Variants in NDUFA8 observed in about 807,000 individuals in gnomAD.
NDUFA8 encodes NADH dehydrogenase [ubiquinone] 1 alpha subcomplex subunit 8.
NDUFA8 carries 16 observed loss-of-function variants against 20.9 expected under a neutral mutation model. The ratio of observed to expected loss-of-function variants is 0.77; its 90% confidence interval spans 0.52 to 1.16. The LOEUF is 1.16. Ranked by LOEUF, NDUFA8 falls within the 50% of genes most tolerant of loss-of-function variation. The pLI is 0.00. For missense variants in NDUFA8, 202 were observed against 216.4 expected (o/e 0.93, Z 0.42); for synonymous variants, 70 against 76.1 (o/e 0.92, Z 0.41).
chr9:122,150,882 G>A (rs1188895713), intron 2 of NDUFA8, among the ~76,000 whole-genome samples: 4 of 145,532 alleles, frequency 2.7e-5, no homozygotes, highest in Non-Finnish European at 6.0e-5. Context: ...TGAGACATGT[G>A]ACTCGCTTGA....
intron 1 of NDUFA8, among the ~76,000 whole-genome samples, chr9:122,156,367 CGTCT>C (rs948382383): frequency 6.6e-5 from 10 of 152,174 alleles, no homozygotes; most frequent in African/African-American, 2.4e-4. Flanking sequence ...CCTTAAACTA[CGTCT>C]GTACCTCTTT....
intron 3 of NDUFA8, among the ~76,000 whole-genome samples, chr9:122,147,836 G>C (rs1971583): frequency 1.8e-4 from 27 of 151,960 alleles, no homozygotes; most frequent in South Asian, 6.2e-4. Flanking sequence ...CCATGTTAGC[G>C]AGGATGGTCT....
At chr9:122,142,600 A>C (rs958420393), downstream of NDUFA8, among the ~76,000 whole-genome samples, 11 of 152,178 alleles carry the variant, frequency 7.2e-5, no homozygotes, top group African/African-American at 2.7e-4. Flanking sequence ...ACCACTTCTT[A>C]TATATGAGAC....
At chr9:122,143,190 A>T (rs1828846901), downstream of NDUFA8, among the ~76,000 whole-genome samples, 1 of 152,146 alleles carries the variant, frequency 6.6e-6, no homozygotes, top group African/African-American at 2.4e-5. Flanking sequence ...ATGAGCTCGA[A>T]GGGCCTTTAC....
chr9:122,158,552 T>C (rs1397438073), intron 1 of NDUFA8, among the ~76,000 whole-genome samples: 3 of 151,986 alleles, frequency 2.0e-5, no homozygotes, highest in Non-Finnish European at 4.4e-5. Flanking sequence ...AAATCAGACT[T>C]GGGTTCACTT....
At chr9:122,149,630 G>GA (rs1828960832) in intron 2 of NDUFA8, among the ~76,000 whole-genome samples, 1 of 152,126 alleles carries the variant, frequency 6.6e-6, no homozygotes, top group Non-Finnish European at 1.5e-5. Context: ...CTGGACCATG[G>GA]AAAAAATGCT....
At chr9:122,154,376 C>T (rs1829047338) in intron 1 of NDUFA8, among the ~76,000 whole-genome samples, 1 of 152,230 alleles carries the variant, frequency 6.6e-6, no homozygotes, top group Admixed American at 6.5e-5. Flanking sequence ...ATATTCAAGT[C>T]ATTCTTGTCC....
At chr9:122,143,350 G>A (rs4147660), downstream of NDUFA8, among the ~76,000 whole-genome samples, 47,661 of 152,102 alleles carry the variant, frequency 0.31, 11,147 homozygotes, top group African/African-American at 0.66. Context: ...GGAGGAAACA[G>A]CCTAGTAGTG....
chr9:122,152,458 C>T, intron 1 of NDUFA8, 50 bp from the exon 2 acceptor site: 1 of 1,586,590 alleles, frequency 6.3e-7, no homozygotes, highest in South Asian at 1.1e-5. Context: ...ACCAGAATAC[C>T]ACTTTCTCAG....
At chr9:122,147,617 A>ATTTTTTTTTTTTTTTT (rs34576446) in intron 3 of NDUFA8, among the ~76,000 whole-genome samples, 1 of 106,762 alleles carries the variant, frequency 9.4e-6, no homozygotes, top group African/African-American at 3.8e-5. Flanking sequence ...GCCTAAAGAA[A>ATTTTTTTTTTTTTTTT]TTTTTTTTTT....
At chr9:122,142,598 T>C (rs1351033983), downstream of NDUFA8, among the ~76,000 whole-genome samples, 1 of 152,194 alleles carries the variant, frequency 6.6e-6, no homozygotes, top group Non-Finnish European at 1.5e-5. Flanking sequence ...CTACCACTTC[T>C]TATATATGAG....
At chr9:122,148,894 A>C (rs899423111) in intron 2 of NDUFA8, among the ~76,000 whole-genome samples, 1 of 152,236 alleles carries the variant, frequency 6.6e-6, no homozygotes, top group African/African-American at 2.4e-5. Flanking sequence ...GCTAAGAAGC[A>C]GGGTAGCATA....
At chr9:122,158,429 C>G (rs1368126953) in intron 1 of NDUFA8, among the ~76,000 whole-genome samples, 1 of 152,124 alleles carries the variant, frequency 6.6e-6, no homozygotes. Flanking sequence ...TTCCCACCAC[C>G]ACCACTAGGG....
At chr9:122,150,815 C>CA (rs922333508) in intron 2 of NDUFA8, among the ~76,000 whole-genome samples, 6 of 151,502 alleles carry the variant, frequency 4.0e-5, no homozygotes, top group African/African-American at 1.5e-4. Flanking sequence ...ACCAAAAATA[C>CA]AAAAAAATTA....
chr9:122,158,378 ATC>A (rs1829111234), intron 1 of NDUFA8, among the ~76,000 whole-genome samples: 1 of 152,018 alleles, frequency 6.6e-6, no homozygotes, highest in South Asian at 2.1e-4. Flanking sequence ...TCCAAGTCCT[ATC>A]TCAGCCCAAG....
At chr9:122,139,933 T>C (rs1672670317), downstream of NDUFA8, among the ~76,000 whole-genome samples, 2 of 152,210 alleles carry the variant, frequency 1.3e-5, no homozygotes, top group African/African-American at 2.4e-5. Flanking sequence ...CCTCAGGTGA[T>C]CTGCCTGCCT....
chr9:122,137,312 C>T, the NDUFA8 span, among the ~76,000 whole-genome samples: 20 of 125,392 alleles, frequency 1.6e-4, no homozygotes, highest in East Asian at 2.1e-3. Context: ...GAGTGATCTT[C>T]ACTCATGCAG....
rs761803505 is a variant in NDUFA8 at position 122,144,293 on chromosome 9, C to G, written c.467G>C (p.Gly156Ala). 14 of 1,614,024 alleles carry G rather than the reference C, an allele frequency of 8.7e-6. No homozygotes were observed. Among genetic ancestry groups the G allele is most frequent in the Non-Finnish European group, 1.2e-5 (14 of 1,180,016 alleles). ...GCCATGTGTGGCAGGCTGCAGATCTCCCTCGATCTCAGGGCTGGGATCCGG... is the reference window on the plus strand; with the variant it reads ...GCCATGTGTGGCAGGCTGCAGATCTGCCTCGATCTCAGGGCTGGGATCCGG... ...PRPDPSPEIE[G>A]DLQPATHGSR... is the part of the protein sequence containing the mutation. Residue 156 changes from glycine to alanine, a missense_variant, in exon 4 of 4, where the codon GGA becomes GCA. Transcript: ENST00000373768.
intron 1 of NDUFA8, among the ~76,000 whole-genome samples, chr9:122,158,435 T>C (rs919383838): frequency 6.6e-6 from 1 of 152,060 alleles, no homozygotes; most frequent in African/African-American, 2.4e-5. Context: ...CCACCACCAC[T>C]AGGGTCACAT....
Sources: allele counts gnomAD v4.1 joint callset (sites outside exome capture counted in the v4.1 genomes callset), GRCh38; gene constraint gnomAD v4.1.1; transcripts MANE v1.5; gene names NCBI Gene and HGNC (gene_info 2026-07-23, HGNC 2026-07-21).